SNX10: variants seen among roughly 807,000 people sequenced by gnomAD.
SNX10 encodes the protein sorting nexin-10.
SNX10 carries 25 observed loss-of-function variants against 28.5 expected under a neutral mutation model. The ratio of observed to expected loss-of-function variants is 0.88; its 90% CI spans 0.64 to 1.22. The LOEUF (loss-of-function observed/expected upper bound fraction) is 1.22, where lower values mean the gene tolerates loss of function less well. Among genes scored for constraint, SNX10 ranks in the 50% most tolerant of loss-of-function variants. The pLI, the probability that SNX10 is intolerant of heterozygous loss-of-function variation, is 0.00. For missense variants in SNX10, 223 were observed against 242.6 expected (o/e 0.92, Z 0.54); for synonymous variants, 62 against 81.4 (o/e 0.76, Z 1.28).
At chr7:26,315,516 A>G (rs1787046829) in intron 1 of SNX10, among the ~76,000 whole-genome samples, 1 of 151,822 alleles carries the variant, frequency 6.6e-6, no homozygotes, top group Non-Finnish European at 1.5e-5. Flanking sequence ...AAAATACAAA[A>G]AATTAGCAGG....
intron 1 of SNX10, among the ~76,000 whole-genome samples, chr7:26,306,808 C>T (rs1786613203): frequency 6.6e-6 from 1 of 152,230 alleles, no homozygotes; most frequent in South Asian, 2.1e-4. Flanking sequence ...GTGACTGCAG[C>T]TGGCACAGTC....
chr7:26,356,577 A>G (rs1191193667), intron 2 of SNX10, among the ~76,000 whole-genome samples: 2 of 152,186 alleles, frequency 1.3e-5, no homozygotes, highest in African/African-American at 4.8e-5. Flanking sequence ...CTAATTGCAG[A>G]GTGGGGGAGG....
intron 1 of SNX10, among the ~76,000 whole-genome samples, chr7:26,327,355 A>G (rs1028050936): frequency 4.6e-5 from 7 of 152,176 alleles, no homozygotes; most frequent in African/African-American, 1.7e-4. Flanking sequence ...GAACCCTGCT[A>G]CTTTGTGTTG....
intron 1 of SNX10, among the ~76,000 whole-genome samples, chr7:26,302,962 C>G (rs1786434789): frequency 6.6e-6 from 1 of 151,916 alleles, no homozygotes; most frequent in South Asian, 2.1e-4. Flanking sequence ...AAAACAAAAA[C>G]AAAAACAAAA....
intron 1 of SNX10, among the ~76,000 whole-genome samples, chr7:26,326,630 A>G (rs1787513881): frequency 1.3e-5 from 2 of 152,206 alleles, no homozygotes; most frequent in African/African-American, 4.8e-5. Context: ...CCTTTGACAC[A>G]TTACCTGTTA....
chr7:26,358,203 G>GAC (rs10638458), intron 2 of SNX10, among the ~76,000 whole-genome samples: 25,692 of 151,988 alleles, frequency 0.17, 2,422 homozygotes, highest in South Asian at 0.36. Context: ...AAGTTTAAGA[G>GAC]ACACACACAC....
chr7:26,317,157 C>T (rs1787125779), intron 1 of SNX10, among the ~76,000 whole-genome samples: 1 of 152,114 alleles, frequency 6.6e-6, no homozygotes. Flanking sequence ...TCAGAATAAT[C>T]TTTTATTCTT....
intron 1 of SNX10, among the ~76,000 whole-genome samples, chr7:26,325,328 T>TATATA (rs56716262): frequency 7.3e-5 from 9 of 123,088 alleles, no homozygotes; most frequent in African/African-American, 8.6e-5. Flanking sequence ...TATATATATA[T>TATATA]TTGAGATGGA....
At chr7:26,326,143 G>A (rs1468147932) in intron 1 of SNX10, among the ~76,000 whole-genome samples, 1 of 152,180 alleles carries the variant, frequency 6.6e-6, no homozygotes, top group Non-Finnish European at 1.5e-5. Flanking sequence ...TGTGGGGGAG[G>A]TTATGCCATT....
chr7:26,333,858 C>G (rs1787831553), intron 1 of SNX10, among the ~76,000 whole-genome samples: 1 of 152,136 alleles, frequency 6.6e-6, no homozygotes. Context: ...TTCATGCACC[C>G]AGCTACCAAT....
At chr7:26,295,433 GTGGTCACCCATGGTGGA>G (rs547268109) in intron 1 of SNX10, among the ~76,000 whole-genome samples, 93 of 152,224 alleles carry the variant, frequency 6.1e-4, no homozygotes, top group African/African-American at 2.1e-3. Flanking sequence ...AGATTCTTAC[GTGGTCACCCATGGTGGA>G]AAGAAAGTCA....
chr7:26,345,484 C>T lies in SNX10; in HGVS notation c.-23-936C>T, dbSNP rs1242342813. Among the ~76,000 whole-genome samples, 2 of 152,192 alleles carry T rather than the reference C, an allele frequency of 1.3e-5. 1 individual carries two copies. The highest frequency in any genetic ancestry group is 4.8e-5 in the African/African-American group (2 of 41,458). On this transcript the variant is annotated intron_variant, in intron 1 of 6. Coordinates refer to ENST00000338523, the MANE Select transcript of SNX10 (RefSeq NM_013322.3). ...AAAGCTTCCTGCTGCTGCTCGGGTGCAGCTCGCTTGCCCCTTCCAGAGGCC... is the reference window on the plus strand; with the variant it reads ...AAAGCTTCCTGCTGCTGCTCGGGTGTAGCTCGCTTGCCCCTTCCAGAGGCC...
At chr7:26,307,281 A>G (rs1246013903) in intron 1 of SNX10, among the ~76,000 whole-genome samples, 1 of 152,040 alleles carries the variant, frequency 6.6e-6, no homozygotes, top group Non-Finnish European at 1.5e-5. Context: ...GATGTCCCCA[A>G]CACCCTAACA....
chr7:26,365,172 A>G (rs770930851), intron 5 of SNX10, 27 bp downstream of exon 5: 18 of 1,365,054 alleles, frequency 1.3e-5, no homozygotes, highest in Non-Finnish European at 1.8e-5. Context: ...TTTTGTGGCC[A>G]GACAAGGGGT....
intron 5 of SNX10, among the ~76,000 whole-genome samples, chr7:26,366,735 G>C (rs966867069): frequency 9.9e-5 from 15 of 152,208 alleles, no homozygotes; most frequent in Non-Finnish European, 1.5e-4. Flanking sequence ...CAGGTCAGAA[G>C]GCAGCACGTA....
At chr7:26,299,197 A>C (rs1420327453) in intron 1 of SNX10, among the ~76,000 whole-genome samples, 1 of 151,928 alleles carries the variant, frequency 6.6e-6, no homozygotes, top group Non-Finnish European at 1.5e-5. Context: ...GGAGGATTTC[A>C]GCAATTTTTT....
At chr7:26,298,253 A>G (rs1457911949) in intron 1 of SNX10, among the ~76,000 whole-genome samples, 3 of 152,248 alleles carry the variant, frequency 2.0e-5, no homozygotes, top group Non-Finnish European at 4.4e-5. Context: ...GGAGTAAAGC[A>G]AATAGTTGCA....
chr7:26,294,018 C>CT (rs201186603), intron 1 of SNX10, among the ~76,000 whole-genome samples: 1 of 152,154 alleles, frequency 6.6e-6, no homozygotes, highest in African/African-American at 2.4e-5. Flanking sequence ...AAAATAACTT[C>CT]TTTTTTCCGT....
At chr7:26,301,145 C>T (rs1350717428) in intron 1 of SNX10, among the ~76,000 whole-genome samples, 1 of 151,926 alleles carries the variant, frequency 6.6e-6, no homozygotes, top group East Asian at 1.9e-4. Flanking sequence ...GCATCACTAT[C>T]CCTTCCCAAA....
Sources: gnomAD v4.1 joint callset for allele counts (sites outside exome capture counted in the v4.1 genomes callset) on GRCh38, gnomAD v4.1.1 for gene constraint, MANE v1.5 for transcripts, NCBI Gene and HGNC (gene_info 2026-07-23, HGNC 2026-07-21) for gene names.